EYS: variants seen among roughly 807,000 people sequenced by gnomAD.
The protein encoded by EYS is protein eyes shut homolog.
A neutral mutation model predicts 282.1 loss-of-function variants in EYS; 250 were observed. The ratio of observed to expected loss-of-function variants is 0.89; its 90% CI spans 0.80 to 0.98. The LOEUF (loss-of-function observed/expected upper bound fraction) is 0.98, where lower values mean the gene tolerates loss of function less well. Among genes scored for constraint, EYS ranks in the 50% least tolerant of loss-of-function variants. The pLI, the probability that EYS is intolerant of heterozygous loss-of-function variation, is 0.00. For missense variants in EYS, 4,016 were observed against 3,709.0 expected, an observed-to-expected ratio of 1.08 and a Z score of -2.15; for synonymous variants, 1,355 against 1,282.9, an observed-to-expected ratio of 1.06 and a Z score of -1.20.
chr6:63,841,561 T>A (rs1771959480), intron 36 of EYS, among the ~76,000 whole-genome samples: 1 of 152,182 alleles, frequency 6.6e-6, no homozygotes, highest in Admixed American at 6.5e-5. Context: ...TGCTAACTCT[T>A]ACTATTTTGT....
chr6:65,558,992 CAA>C (rs985199136), intron 2 of EYS, among the ~76,000 whole-genome samples: 4 of 151,828 alleles, frequency 2.6e-5, no homozygotes, highest in African/African-American at 9.7e-5. Context: ...TTAGAAACAT[CAA>C]AGTTAATATT....
chr6:65,700,772 T>C (rs1769645617), intron 1 of EYS, among the ~76,000 whole-genome samples: 1 of 152,220 alleles, frequency 6.6e-6, no homozygotes, highest in African/African-American at 2.4e-5. Context: ...ATCTGCTTCC[T>C]TTCACAGGAA....
intron 12 of EYS, among the ~76,000 whole-genome samples, chr6:65,242,074 C>T (rs1767070673): frequency 6.6e-6 from 1 of 151,976 alleles, no homozygotes; most frequent in Non-Finnish European, 1.5e-5. Flanking sequence ...ATAATGACTC[C>T]ATTACACTAT....
intron 12 of EYS, among the ~76,000 whole-genome samples, chr6:65,063,142 TATA>T: frequency 6.6e-6 from 1 of 152,072 alleles, no homozygotes; most frequent in Non-Finnish European, 1.5e-5. Flanking sequence ...AAAATAGAAT[TATA>T]AGAACTTAAT....
intron 1 of EYS, among the ~76,000 whole-genome samples, chr6:65,666,542 G>A (rs1458760445): frequency 6.6e-6 from 1 of 151,840 alleles, no homozygotes; most frequent in Admixed American, 6.6e-5. Context: ...CTGTCGGGTA[G>A]TAAATATTAT....
At chr6:65,112,315 A>G (rs1358102620) in intron 12 of EYS, among the ~76,000 whole-genome samples, 2 of 152,170 alleles carry the variant, frequency 1.3e-5, no homozygotes, top group Admixed American at 6.5e-5. Context: ...TTTGCTGTAT[A>G]TATGACCTAC....
In EYS at chr6:64,980,866, TA is replaced by T. The variant is rs901687243; in HGVS notation, c.2259+16715del. 4.0e-5 allele frequency among the ~76,000 whole-genome samples: 6 copies of T among 149,694 alleles called. No individual in the cohort carries two copies. In the South Asian group the frequency reaches 6.3e-4, roughly 16 times the overall value. ...AATTGTCCATTTGAGTGAGTTAAGA[TA>T]AAAAAAAACCTTTGAGGCTTAAAAA... On this transcript the variant is annotated intron_variant, in intron 14 of 42. Transcript: ENST00000503581.
intron 2 of EYS, among the ~76,000 whole-genome samples, chr6:65,535,494 G>T (rs1394100765): frequency 6.6e-6 from 1 of 152,064 alleles, no homozygotes; most frequent in African/African-American, 2.4e-5. Context: ...TTTGCCTTCT[G>T]CCATGATTAT....
chr6:64,007,387 T>A (rs1195513497), intron 33 of EYS, among the ~76,000 whole-genome samples: 2 of 151,870 alleles, frequency 1.3e-5, no homozygotes, highest in Non-Finnish European at 2.9e-5. Context: ...TTTTTTTAAT[T>A]TCAATTAGCC....
At chr6:64,000,565 A>G (rs1267813687) in intron 33 of EYS, among the ~76,000 whole-genome samples, 1 of 152,070 alleles carries the variant, frequency 6.6e-6, no homozygotes, top group East Asian at 1.9e-4. Flanking sequence ...TTTTATTTTT[A>G]AAACAAAAAG....
chr6:64,471,747 T>C (rs545210329), intron 26 of EYS, among the ~76,000 whole-genome samples: 2 of 152,262 alleles, frequency 1.3e-5, no homozygotes, highest in African/African-American at 2.4e-5. Context: ...CTACAATTTG[T>C]ATGGAATCAC....
At chr6:65,248,095 T>C (rs1028256507) in intron 12 of EYS, among the ~76,000 whole-genome samples, 2 of 152,056 alleles carry the variant, frequency 1.3e-5, no homozygotes, top group African/African-American at 4.8e-5. Context: ...TGGTTTTTTT[T>C]CCTCCTCAGC....
At chr6:63,812,467 C>T (rs1220319898) in intron 36 of EYS, among the ~76,000 whole-genome samples, 1 of 152,124 alleles carries the variant, frequency 6.6e-6, no homozygotes, top group African/African-American at 2.4e-5. Flanking sequence ...AGTCTCTTAA[C>T]CTGCTTTATT....
chr6:64,150,130 G>A (rs1386174499), intron 31 of EYS, among the ~76,000 whole-genome samples: 1 of 152,164 alleles, frequency 6.6e-6, no homozygotes, highest in Non-Finnish European at 1.5e-5. Context: ...AGCATCTCCT[G>A]GGAATTTGTC....
intron 26 of EYS, among the ~76,000 whole-genome samples, chr6:64,461,381 T>C (rs574630951): frequency 1.3e-5 from 2 of 152,102 alleles, no homozygotes; most frequent in South Asian, 2.1e-4. Context: ...GACTGATGGA[T>C]TGATTGATTG....
chr6:63,951,852 G>C (rs891368410), intron 35 of EYS, among the ~76,000 whole-genome samples: 1 of 152,100 alleles, frequency 6.6e-6, no homozygotes, highest in Non-Finnish European at 1.5e-5. Flanking sequence ...CCCATTTCAT[G>C]GCTTGTTTGG....
chr6:65,087,240 A>G (rs1249027851), intron 12 of EYS, among the ~76,000 whole-genome samples: 1 of 151,964 alleles, frequency 6.6e-6, no homozygotes, highest in Non-Finnish European at 1.5e-5. Flanking sequence ...TTTAACAGGT[A>G]TCATATTTCT....
chr6:64,556,926 A>AAAG (rs1765251949), intron 26 of EYS, among the ~76,000 whole-genome samples: 1 of 151,996 alleles, frequency 6.6e-6, no homozygotes, highest in African/African-American at 2.4e-5. Flanking sequence ...GACTGTTAAC[A>AAAG]AAGAGAGGTA....
At chr6:64,898,725 C>G (rs931444386) in intron 18 of EYS, among the ~76,000 whole-genome samples, 3 of 146,346 alleles carry the variant, frequency 2.0e-5, no homozygotes, top group Non-Finnish European at 4.5e-5. Context: ...TATGCAAAGA[C>G]ACATATAAGC....
Sources: gnomAD v4.1 joint callset for allele counts (sites outside exome capture counted in the v4.1 genomes callset) on GRCh38, gnomAD v4.1.1 for gene constraint, MANE v1.5 for transcripts, NCBI Gene and HGNC (gene_info 2026-07-23, HGNC 2026-07-21) for gene names.